Variants in TDRD7 observed in about 807,000 individuals in gnomAD.
TDRD7 encodes the protein tudor domain containing 7, also known as tudor domain-containing protein 7.
A neutral mutation model predicts 109.8 loss-of-function variants in TDRD7; 47 were observed. The observed-to-expected ratio is 0.43, with a 90% CI of 0.34 to 0.55. The LOEUF (loss-of-function observed/expected upper bound fraction) is 0.55. TDRD7 is among the 20% of genes least tolerant of loss of function. The probability of loss-of-function intolerance (pLI) is 0.03; values close to 1 mark genes in which losing one functional copy is unlikely to be tolerated. For synonymous variants in TDRD7, 424 were observed against 457.3 expected, an observed-to-expected ratio of 0.93 and a Z score of 0.93; for missense variants, 1,164 against 1,319.2, an observed-to-expected ratio of 0.88 and a Z score of 1.82.
intron 1 of TDRD7, among the ~76,000 whole-genome samples, chr9:97,421,678 C>T (rs1478744333): frequency 2.0e-5 from 3 of 151,070 alleles, no homozygotes; most frequent in Non-Finnish European, 2.9e-5. Context: ...ACTACAGGCA[C>T]GTGCGACTAT....
chr9:97,434,380 G>A (rs971682637), intron 4 of TDRD7, among the ~76,000 whole-genome samples: 5 of 152,118 alleles, frequency 3.3e-5, no homozygotes, highest in Admixed American at 1.3e-4. Flanking sequence ...GGTTGTGGAC[G>A]TACACAATTT....
chr9:97,474,027 G>T (rs138539922), intron 11 of TDRD7, among the ~76,000 whole-genome samples: 1 of 152,254 alleles, frequency 6.6e-6, no homozygotes, highest in Non-Finnish European at 1.5e-5. Context: ...GAATTTAGGA[G>T]GATAATAAAA....
intron 8 of TDRD7, among the ~76,000 whole-genome samples, chr9:97,468,035 G>A (rs1828847355): frequency 6.6e-6 from 1 of 152,226 alleles, no homozygotes; most frequent in Non-Finnish European, 1.5e-5. Flanking sequence ...AAAAACCATT[G>A]TGGAGAACAA....
chr9:97,446,464 T>C (rs888246226), intron 6 of TDRD7, among the ~76,000 whole-genome samples: 1 of 152,222 alleles, frequency 6.6e-6, no homozygotes, highest in Non-Finnish European at 1.5e-5. Context: ...CATAAAATGT[T>C]GTGAATGAGG....
At position 97,471,113 on chromosome 9, in the gene TDRD7, A is replaced by G. The variant is rs114134629; in HGVS notation, c.1741+444A>G. Among the ~76,000 whole-genome samples the G allele has an allele frequency of 7.9e-3, 1,200 of 152,302 alleles. 18 individuals are homozygous for G. The highest frequency in any genetic ancestry group is 0.028 in the African/African-American group (1,160 of 41,556). Reference sequence around the variant, plus strand: ...AAGCATGGGTTTGATCACAGGTCACATGCAGTTTTTGGCATAGTAGATGTA... The same window carrying G: ...AAGCATGGGTTTGATCACAGGTCACGTGCAGTTTTTGGCATAGTAGATGTA... On this transcript the variant is annotated intron_variant, in intron 9 of 16. Transcript: ENST00000355295.
intron 16 of TDRD7, among the ~76,000 whole-genome samples, chr9:97,490,021 CAT>C (rs1829274497): frequency 6.6e-6 from 1 of 152,064 alleles, no homozygotes; most frequent in African/African-American, 2.4e-5. Context: ...GATACATGCA[CAT>C]GTGCACACGT....
chr9:97,461,701 T>G (rs903734334), intron 7 of TDRD7, among the ~76,000 whole-genome samples: 1 of 152,194 alleles, frequency 6.6e-6, no homozygotes, highest in African/African-American at 2.4e-5. Flanking sequence ...TGGGAACCTA[T>G]GTAGCTGAAC....
chr9:97,451,572 G>A (rs1393832329), intron 6 of TDRD7, among the ~76,000 whole-genome samples: 1 of 152,208 alleles, frequency 6.6e-6, no homozygotes, highest in Non-Finnish European at 1.5e-5. Flanking sequence ...GATTATAGGC[G>A]TGCGCTGCTG....
In TDRD7 at chr9:97,478,633, A is replaced by C. The variant is rs533745889; in HGVS notation, c.2301+60A>C. On this transcript the variant is annotated intron_variant, in intron 13 of 16. Transcript: ENST00000355295. ...CAGATTTGGATGTGTTCATAATCTTATTGTAAGATGCCTTCTCAGTTTTGA... is the reference window on the plus strand; with the variant it reads ...CAGATTTGGATGTGTTCATAATCTTCTTGTAAGATGCCTTCTCAGTTTTGA... 9.3e-5 allele frequency: 149 copies of C among 1,605,894 alleles called. No homozygotes were observed. In the African/African-American group the frequency reaches 1.8e-3, roughly 20 times the overall value.
chr9:97,415,277 C>A (rs1827793630), intron 1 of TDRD7, among the ~76,000 whole-genome samples: 1 of 152,114 alleles, frequency 6.6e-6, no homozygotes, highest in South Asian at 2.1e-4. Context: ...AAAGAGAAGG[C>A]ATAGGATGGA....
chr9:97,473,112 GA>G (rs2131165191), intron 10 of TDRD7, among the ~76,000 whole-genome samples: 1 of 152,268 alleles, frequency 6.6e-6, no homozygotes, highest in South Asian at 2.1e-4. Flanking sequence ...TGATGGATTT[GA>G]TTTTGTGAGA....
chr9:97,496,106 A>C lies in TDRD7; in HGVS notation c.*223A>C. 1 of 485,632 alleles carries C rather than the reference A, an allele frequency of 2.1e-6. No homozygotes were observed. The highest frequency in any genetic ancestry group is 2.3e-5 in the South Asian group (1 of 44,036). The allele number at this position is 485,632 out of a possible 1,614,324, so 30.1% of individuals were successfully genotyped here. A position where few individuals can be genotyped will look rare whatever the true frequency, so the allele number is the denominator to read the frequency against. The stretch of plus-strand genomic sequence containing the variant: ...AATTATTACTATAATATTAGAATAA[A>C]AATGTTTATCAATATAAAAGCTGAC... On this transcript the variant is annotated 3_prime_UTR_variant, in exon 17 of 17. Transcript: ENST00000355295.
chr9:97,482,547 A>G (rs1829133427), intron 14 of TDRD7, among the ~76,000 whole-genome samples: 1 of 152,326 alleles, frequency 6.6e-6, no homozygotes, highest in East Asian at 1.9e-4. Context: ...AACTATTTTA[A>G]TCATGATATA....
At chr9:97,413,799 T>C (rs1827765106) in intron 1 of TDRD7, among the ~76,000 whole-genome samples, 1 of 152,224 alleles carries the variant, frequency 6.6e-6, no homozygotes, top group African/African-American at 2.4e-5. Context: ...CAGTTGGCAG[T>C]GCCTTCAGAT....
At chr9:97,483,476 A>G in intron 15 of TDRD7, 125 bp downstream of exon 15, 1 of 1,176,510 alleles carries the variant, frequency 8.5e-7, no homozygotes, top group South Asian at 1.6e-5. Context: ...TGAAACAAAC[A>G]CAGTAATTTT....
intron 8 of TDRD7, among the ~76,000 whole-genome samples, chr9:97,469,219 C>G (rs1052128958): frequency 2.0e-5 from 3 of 152,172 alleles, no homozygotes; most frequent in Non-Finnish European, 2.9e-5. Flanking sequence ...AGCTGCCTGA[C>G]TCCTGAGGCC....
chr9:97,440,805 CA>C (rs1286019092), intron 5 of TDRD7, among the ~76,000 whole-genome samples: 1 of 152,130 alleles, frequency 6.6e-6, no homozygotes, highest in Non-Finnish European at 1.5e-5. Flanking sequence ...TTAATATACT[CA>C]GATCTGTATC....
chr9:97,456,377 G>C (rs1047420168), intron 6 of TDRD7, among the ~76,000 whole-genome samples: 2 of 152,086 alleles, frequency 1.3e-5, no homozygotes, highest in African/African-American at 4.8e-5. Flanking sequence ...GACAATCCTA[G>C]CAAAAAAAGC....
chr9:97,495,637 C>A (rs373125170), intron 16 of TDRD7, 26 bp from the exon 17 acceptor site: 3 of 1,601,832 alleles, frequency 1.9e-6, no homozygotes, highest in African/African-American at 2.7e-5. Flanking sequence ...CCTCACTGCT[C>A]CCTCTTCTTC....
Sources: allele counts gnomAD v4.1 joint callset (sites outside exome capture counted in the v4.1 genomes callset), GRCh38; gene constraint gnomAD v4.1.1; transcripts MANE v1.5; gene names NCBI Gene and HGNC (gene_info 2026-07-23, HGNC 2026-07-21).